OR14A2: variants seen among roughly 807,000 people sequenced by gnomAD.
OR14A2 encodes olfactory receptor 14A2.
For synonymous variants in OR14A2, 114 were observed against 58.6 expected (o/e 1.95, Z -4.32); for missense variants, 237 against 152.9 (o/e 1.55, Z -2.90).
exon 1 of OR14A2, chr1:247,723,591 C>A: frequency 1.4e-6 from 1 of 718,270 alleles, no homozygotes; most frequent in Non-Finnish European, 2.6e-6. Context: ...TACCAAAGAG[C>A]CCTCCAATGG....
chr1:247,739,695 T>C, the OR14A2 span: 2 of 585,056 alleles, frequency 3.4e-6, no homozygotes, highest in Non-Finnish European at 3.0e-6. Flanking sequence ...TCAGTTTTAA[T>C]AGAAATAGAA....
At chr1:247,747,359 C>CTTTT in the OR14A2 span, among the ~76,000 whole-genome samples, 47 of 136,388 alleles carry the variant, frequency 3.4e-4, no homozygotes, top group African/African-American at 1.1e-3. Flanking sequence ...AATGCGAAGA[C>CTTTT]TTTTTTTTTT....
At chr1:247,739,382 T>A in the OR14A2 span, 1 of 780,748 alleles carries the variant, frequency 1.3e-6, no homozygotes, top group Non-Finnish European at 2.4e-6. Context: ...GTGCTGTTGC[T>A]TATTTAAAGC....
At chr1:247,729,536 A>C in the OR14A2 span, among the ~76,000 whole-genome samples, 1 of 152,110 alleles carries the variant, frequency 6.6e-6, no homozygotes, top group Non-Finnish European at 1.5e-5. Flanking sequence ...TTAAGAGTTT[A>C]TATTAAGCCT....
chr1:247,744,762 A>T, the OR14A2 span, among the ~76,000 whole-genome samples: 3 of 152,328 alleles, frequency 2.0e-5, no homozygotes, highest in South Asian at 4.1e-4. The surrounding 1 kb of genome is among the most constrained non-coding windows in gnomAD (Gnocchi z 4.3). Flanking sequence ...TATATTGCAT[A>T]GCCATGGGCC....
the OR14A2 span, chr1:247,746,814 C>A: frequency 6.6e-6 from 1 of 152,200 alleles, no homozygotes; most frequent in Non-Finnish European, 1.5e-5. Flanking sequence ...CTCTGACCAT[C>A]CTGCCAAAAT....
downstream of OR14A2, chr1:247,723,025 C>G: frequency 1.6e-6 from 1 of 618,686 alleles, no homozygotes; most frequent in Non-Finnish European, 2.9e-6. Flanking sequence ...TTTCTCAGGT[C>G]TTTCCAAAGT....
chr1:247,726,102 G>C (rs963922014), upstream of OR14A2, among the ~76,000 whole-genome samples: 5 of 132,676 alleles, frequency 3.8e-5, no homozygotes, highest in Non-Finnish European at 6.2e-5. Flanking sequence ...CTGAGGAATC[G>C]CCACACTGAC....
chr1:247,723,069 G>T, downstream of OR14A2: 4 of 682,412 alleles, frequency 5.9e-6, no homozygotes, highest in Non-Finnish European at 1.1e-5. Context: ...GATCTGTAAG[G>T]CACTGTATCA....
At chr1:247,725,328 C>T (rs918426687), upstream of OR14A2, among the ~76,000 whole-genome samples, 3 of 151,882 alleles carry the variant, frequency 2.0e-5, no homozygotes, top group African/African-American at 7.3e-5. Context: ...ATATAGTGAA[C>T]TTGGAAAATG....
At chr1:247,747,789 G>T in the OR14A2 span, among the ~76,000 whole-genome samples, 1 of 152,162 alleles carries the variant, frequency 6.6e-6, no homozygotes, top group African/African-American at 2.4e-5. Flanking sequence ...TTTTTTGTAA[G>T]GAATCTCACA....
the OR14A2 span, among the ~76,000 whole-genome samples, chr1:247,729,277 A>G: frequency 6.6e-6 from 1 of 152,164 alleles, no homozygotes; most frequent in African/African-American, 2.4e-5. Flanking sequence ...ACGTAGGTCC[A>G]GAACATTCTG....
chr1:247,730,894 T>C, the OR14A2 span, among the ~76,000 whole-genome samples: 9,511 of 152,044 alleles, frequency 0.063, 317 homozygotes, highest in African/African-American at 0.083. Flanking sequence ...GAGGGCGAGT[T>C]TCTTTACTCA....
chr1:247,733,595 G>T, the OR14A2 span, among the ~76,000 whole-genome samples: 1 of 152,050 alleles, frequency 6.6e-6, no homozygotes, highest in East Asian at 1.9e-4. Context: ...GAGGACTACA[G>T]GTATCATGCT....
the OR14A2 span, chr1:247,746,411 T>G: frequency 6.6e-6 from 1 of 152,212 alleles, no homozygotes; most frequent in Non-Finnish European, 1.5e-5. Context: ...AAAATGAAGG[T>G]GTGAAATCGG....
chr1:247,738,750 C>CAGAA, the OR14A2 span: 4 of 780,690 alleles, frequency 5.1e-6, no homozygotes, highest in Non-Finnish European at 9.6e-6. Context: ...CATCATTCTC[C>CAGAA]TCATGATTCT....
exon 1 of OR14A2, chr1:247,723,490 A>G (rs938381912): frequency 1.4e-6 from 1 of 717,768 alleles, no homozygotes; most frequent in Non-Finnish European, 2.6e-6. Flanking sequence ...AGAACAGGAA[A>G]TCCTTAGTAA....
upstream of OR14A2, among the ~76,000 whole-genome samples, chr1:247,727,414 C>G (rs1660402039): frequency 6.6e-6 from 1 of 152,104 alleles, no homozygotes; most frequent in South Asian, 2.1e-4. Context: ...AGTTGCTTAT[C>G]AGCTTAAGGA....
chr1:247,743,931 T>C, the OR14A2 span, among the ~76,000 whole-genome samples: 1 of 152,210 alleles, frequency 6.6e-6, no homozygotes, highest in Non-Finnish European at 1.5e-5. Flanking sequence ...GTTTAAAAGC[T>C]TTATATTTTA....
Sources: gnomAD v4.1 joint callset for allele counts (sites outside exome capture counted in the v4.1 genomes callset) on GRCh38, gnomAD v4.1.1 for gene constraint, Gnocchi (gnomAD v3.1) non-coding constraint, MANE v1.5 for transcripts, NCBI Gene and HGNC (gene_info 2026-07-23, HGNC 2026-07-21) for gene names.